ADGRB3: variants seen among roughly 807,000 people sequenced by gnomAD.
The protein encoded by ADGRB3 is brain-specific angiogenesis inhibitor 3.
In ADGRB3, 37 loss-of-function variants were observed where a neutral mutation model predicts 193.4. That is an observed-to-expected ratio of 0.19 (90% CI 0.15 to 0.25). The LOEUF (loss-of-function observed/expected upper bound fraction) is 0.25. ADGRB3 is among the 10% of genes least tolerant of loss of function. The probability of loss-of-function intolerance (pLI) is 1.00; values close to 1 mark genes in which losing one functional copy is unlikely to be tolerated. For missense variants in ADGRB3, 1,637 were observed against 1,852.9 expected (o/e 0.88, Z 2.14); for synonymous variants, 690 against 644.2 (o/e 1.07, Z -1.08).
At chr6:68,703,443 A>G (rs1765275420) in intron 3 of ADGRB3, among the ~76,000 whole-genome samples, 1 of 152,100 alleles carries the variant, frequency 6.6e-6, no homozygotes, top group Non-Finnish European at 1.5e-5. Context: ...GAATTTAACT[A>G]TATATATGTT....
chr6:69,063,136 T>G (rs1170352576), intron 16 of ADGRB3, 100 bp downstream of exon 16: 1 of 798,412 alleles, frequency 1.3e-6, no homozygotes, highest in East Asian at 2.7e-5. Flanking sequence ...TAGACTTTTA[T>G]AGTTGCAAAT....
rs371868899 is a variant in ADGRB3, at chr6:69,361,292, T to C, written c.4019T>C (p.Leu1340Pro). The C allele has an allele frequency of 2.1e-5, 34 of 1,612,848 alleles. 1 individual carries two copies. Among genetic ancestry groups the C allele is most frequent in the Admixed American group, 3.3e-5 (2 of 59,822 alleles). Residue 1340 changes from leucine (L) to proline (P), a missense_variant, in exon 29 of 32, where the codon CTA becomes CCA. By Grantham distance (98) the Leu-to-Pro change is moderately conservative. This residue lies in a region of ADGRB3 where 368 missense variants were observed against 367.4 expected (regional missense o/e 1.00). Coordinates refer to ENST00000370598, the MANE Select transcript of ADGRB3 (RefSeq NM_001704.3). ...IGMETLPHERLLHYKVNPEFN... is the reference protein window; with the variant it reads ...IGMETLPHERPLHYKVNPEFN... ...ATGGAAACCTTGCCGCATGAAAGGC[T>C]ATTGCACTACAAAGTAAACCCTGAA... is the stretch of plus-strand genomic sequence containing the variant.
chr6:69,314,244 AT>A lies in ADGRB3; in HGVS notation c.2815-10621del, dbSNP rs983706521. ...CCACTAGATGACATCTGTGGAACAG[AT>A]TTTTTTCTCTGCTGACATATATCTA... On this transcript the variant is annotated intron_variant, in intron 20 of 31. Transcript: ENST00000370598. Among the ~76,000 whole-genome samples, 3 of 151,628 alleles carry A rather than the reference AT, an allele frequency of 2.0e-5. No homozygotes were observed. In the Admixed American group the frequency reaches 2.0e-4, roughly 10 times the overall value.
At chr6:69,383,597 C>G (rs1387067778) in intron 31 of ADGRB3, among the ~76,000 whole-genome samples, 2 of 151,938 alleles carry the variant, frequency 1.3e-5, no homozygotes, top group Non-Finnish European at 2.9e-5. Context: ...GTATACTAGT[C>G]GAAAGCTCAA....
intron 17 of ADGRB3, among the ~76,000 whole-genome samples, chr6:69,081,102 T>A (rs1318026754): frequency 6.6e-6 from 1 of 152,062 alleles, no homozygotes; most frequent in Admixed American, 6.6e-5. Flanking sequence ...AGTCAGTATG[T>A]TGCAGAACTG....
chr6:69,327,242 C>T (rs1360826098), intron 21 of ADGRB3, among the ~76,000 whole-genome samples: 2 of 152,032 alleles, frequency 1.3e-5, no homozygotes, highest in African/African-American at 4.8e-5. Flanking sequence ...TTCCCATAAA[C>T]GTAAACTAAA....
chr6:68,737,012 A>C (rs898123838), intron 3 of ADGRB3, among the ~76,000 whole-genome samples: 3 of 152,114 alleles, frequency 2.0e-5, no homozygotes, highest in Admixed American at 6.6e-5. Flanking sequence ...TATAGTAGCA[A>C]ATATTACTTA....
intron 3 of ADGRB3, among the ~76,000 whole-genome samples, chr6:68,868,627 C>A (rs1213594500): frequency 2.6e-5 from 4 of 152,076 alleles, no homozygotes; most frequent in Non-Finnish European, 5.9e-5. Context: ...CCCAAAATAC[C>A]TATTTTGAAG....
At chr6:69,130,781 A>G (rs1582484403) in intron 17 of ADGRB3, among the ~76,000 whole-genome samples, 2 of 152,048 alleles carry the variant, frequency 1.3e-5, no homozygotes, top group South Asian at 2.1e-4. Context: ...TTTTTCTTGA[A>G]TGACACAATG....
intron 3 of ADGRB3, among the ~76,000 whole-genome samples, chr6:68,657,374 T>C (rs1407798178): frequency 6.6e-6 from 1 of 151,484 alleles, no homozygotes; most frequent in East Asian, 1.9e-4. Context: ...TTAAATGTAT[T>C]AGTCTTTAAA....
At chr6:68,831,010 C>T (rs1349634341) in intron 3 of ADGRB3, among the ~76,000 whole-genome samples, 2 of 149,974 alleles carry the variant, frequency 1.3e-5, no homozygotes, top group African/African-American at 4.9e-5. Context: ...ATCTAACCTA[C>T]ATTTAATGCT....
At chr6:68,994,500 A>G (rs975436564) in intron 11 of ADGRB3, among the ~76,000 whole-genome samples, 1 of 152,106 alleles carries the variant, frequency 6.6e-6, no homozygotes, top group Admixed American at 6.6e-5. Flanking sequence ...CTCACAGCAT[A>G]TTTTTCTTGT....
At chr6:69,146,092 G>T (rs1460779132) in intron 17 of ADGRB3, among the ~76,000 whole-genome samples, 1 of 152,254 alleles carries the variant, frequency 6.6e-6, no homozygotes, top group East Asian at 1.9e-4. Flanking sequence ...AAGCCTACTT[G>T]CCTCGTACCA....
At chr6:68,817,345 AT>A (rs1171300955) in intron 3 of ADGRB3, among the ~76,000 whole-genome samples, 13 of 103,524 alleles carry the variant, frequency 1.3e-4, no homozygotes, top group African/African-American at 7.0e-4. Context: ...ATATATATAT[AT>A]ATATATATAT....
At chr6:68,649,953 C>T (rs1025064259) in intron 3 of ADGRB3, among the ~76,000 whole-genome samples, 10 of 152,270 alleles carry the variant, frequency 6.6e-5, no homozygotes, top group Admixed American at 2.0e-4. Flanking sequence ...CTGTTTCTAG[C>T]TCTGGGCACT....
chr6:68,782,542 C>T (rs1003317493), intron 3 of ADGRB3, among the ~76,000 whole-genome samples: 2 of 152,104 alleles, frequency 1.3e-5, no homozygotes, highest in African/African-American at 2.4e-5. Flanking sequence ...CCTGAGGAAT[C>T]GCCACACTGA....
intron 17 of ADGRB3, among the ~76,000 whole-genome samples, chr6:69,084,838 G>A (rs1772500188): frequency 6.6e-6 from 1 of 152,080 alleles, no homozygotes; most frequent in South Asian, 2.1e-4. Context: ...CAACAAAAAA[G>A]TTCTCTAACA....
chr6:69,350,435 A>G (rs1424262006), intron 26 of ADGRB3, among the ~76,000 whole-genome samples: 2 of 152,072 alleles, frequency 1.3e-5, no homozygotes, highest in African/African-American at 4.8e-5. Context: ...TGAAAGATCT[A>G]TTACAGATTA....
At chr6:69,199,548 T>C (rs561840046) in intron 17 of ADGRB3, among the ~76,000 whole-genome samples, 114 of 152,274 alleles carry the variant, frequency 7.5e-4, no homozygotes, top group Middle Eastern at 3.4e-3. Context: ...CATTCAGCTT[T>C]ATTATGATTA....
Sources: allele counts gnomAD v4.1 joint callset (sites outside exome capture counted in the v4.1 genomes callset), GRCh38; gene constraint gnomAD v4.1.1; regional missense constraint gnomAD v4.1.1; transcripts MANE v1.5; gene names NCBI Gene and HGNC (gene_info 2026-07-23, HGNC 2026-07-21).